FNTB: variants seen among roughly 807,000 people sequenced by gnomAD.
FNTB encodes protein farnesyltransferase subunit beta.
A neutral mutation model predicts 59.4 loss-of-function variants in FNTB; 27 were observed. The observed-to-expected ratio is 0.45, with a 90% CI of 0.34 to 0.63. The LOEUF is 0.63. Among genes scored for constraint, FNTB ranks in the 20% least tolerant of loss-of-function variants. FNTB has a pLI of 0.02. For missense variants in FNTB, 449 were observed against 559.6 expected, an observed-to-expected ratio of 0.80 and a Z score of 1.99; for synonymous variants, 230 against 220.7, an observed-to-expected ratio of 1.04 and a Z score of -0.37.
intron 8 of FNTB, among the ~76,000 whole-genome samples, chr14:65,041,472 G>C (rs1183575363): frequency 6.6e-6 from 1 of 152,136 alleles, no homozygotes; most frequent in Non-Finnish European, 1.5e-5. Flanking sequence ...GTAGTTAAAT[G>C]ATCAGTGGGT....
At position 65,005,939 on chromosome 14, in the gene FNTB, C is replaced by T. The variant is rs75780123; in HGVS notation, c.209+1626C>T. On this transcript the variant is annotated intron_variant, in intron 2 of 11. Coordinates refer to ENST00000246166, the MANE Select transcript of FNTB (RefSeq NM_002028.4). ...GCCATGGCACCTGGCCGAGAGAACA[C>T]TTTTCCTTGACATCTCTGAACAAAG... Among the ~76,000 whole-genome samples, 1,209 of 152,254 alleles carry T rather than the reference C, an allele frequency of 7.9e-3. 18 individuals are homozygous for T. The highest frequency in any genetic ancestry group is 0.027 in the African/African-American group (1,119 of 41,542).
intron 7 of FNTB, among the ~76,000 whole-genome samples, chr14:65,034,821 C>T (rs1595064197): frequency 1.3e-5 from 2 of 152,310 alleles, no homozygotes; most frequent in Non-Finnish European, 2.9e-5. Flanking sequence ...CATGAGTCTT[C>T]CTGTGCTGAG....
Position 65,011,159 on chromosome 14 carries a change from T to C in FNTB, c.210-1158T>C, listed in dbSNP as rs904496270. Among the ~76,000 whole-genome samples the C allele has an allele frequency of 6.6e-6, 1 of 152,218 alleles. No individual in the cohort carries two copies. The highest frequency in any genetic ancestry group is 2.4e-5 in the African/African-American group (1 of 41,450). On this transcript the variant is annotated intron_variant, in intron 2 of 11. Coordinates refer to ENST00000246166, the MANE Select transcript of FNTB (RefSeq NM_002028.4). The surrounding 1 kb of genome is among the most constrained non-coding windows in gnomAD (Gnocchi z 4.0). ...AGACTACATGAAGGGCTGGGTGCGG[T>C]GGCTCACGCCTGTAATCCCAGCATT...
chr14:65,053,636 A>AAAAAAAAAAAAAAC (rs2062663949), intron 10 of FNTB, among the ~76,000 whole-genome samples: 2 of 148,704 alleles, frequency 1.3e-5, no homozygotes, highest in African/African-American at 4.9e-5. Context: ...TAAAAAAAAC[A>AAAAAAAAAAAAAAC]AAAAAAAACT....
At chr14:65,025,546 G>C (rs2061963441) in intron 4 of FNTB, among the ~76,000 whole-genome samples, 1 of 152,196 alleles carries the variant, frequency 6.6e-6, no homozygotes, top group African/African-American at 2.4e-5. Flanking sequence ...TGGGCATGAT[G>C]GCTCACACCT....
chr14:65,052,906 A>C (rs2062646532), intron 9 of FNTB, among the ~76,000 whole-genome samples: 1 of 152,158 alleles, frequency 6.6e-6, no homozygotes. Flanking sequence ...GGGAGCAGCT[A>C]CCGAGGTCAG....
intron 4 of FNTB, among the ~76,000 whole-genome samples, chr14:65,016,966 A>G (rs1393666231): frequency 1.6e-5 from 2 of 122,382 alleles, no homozygotes; most frequent in Non-Finnish European, 3.2e-5. Context: ...TCTGTCACCC[A>G]GGCTGGGGTG....
chr14:65,056,321 T>C (rs1489399026), intron 11 of FNTB, among the ~76,000 whole-genome samples: 5 of 152,232 alleles, frequency 3.3e-5, no homozygotes, highest in Admixed American at 1.3e-4. Flanking sequence ...CTGCTAGTTA[T>C]CAATTTTTTG....
chr14:64,989,718 C>T (rs780570577), intron 1 of FNTB, among the ~76,000 whole-genome samples: 10 of 152,170 alleles, frequency 6.6e-5, no homozygotes, highest in Admixed American at 3.9e-4. Context: ...AATACTTGAG[C>T]GCCTTCTACG....
chr14:65,018,302 C>T (rs1275612922), intron 4 of FNTB, among the ~76,000 whole-genome samples: 1 of 152,106 alleles, frequency 6.6e-6, no homozygotes, highest in Non-Finnish European at 1.5e-5. Flanking sequence ...TGCATTCCAG[C>T]CTGGGCAACA....
chr14:65,025,144 A>T (rs2061956684), intron 4 of FNTB, among the ~76,000 whole-genome samples: 1 of 152,200 alleles, frequency 6.6e-6, no homozygotes, highest in African/African-American at 2.4e-5. Context: ...AGCCCCAGAC[A>T]GTCAGATGCA....
intron 9 of FNTB, among the ~76,000 whole-genome samples, chr14:65,049,196 T>A (rs928125042): frequency 1.3e-5 from 2 of 152,130 alleles, no homozygotes; most frequent in Admixed American, 1.3e-4. Context: ...GTTTTTTTGT[T>A]TTGTGGAGCA....
At chr14:64,993,375 T>G (rs2140037639) in intron 1 of FNTB, among the ~76,000 whole-genome samples, 1 of 152,356 alleles carries the variant, frequency 6.6e-6, no homozygotes, top group African/African-American at 2.4e-5. Context: ...TGTGTTTAAT[T>G]TATCTTGTTT....
chr14:65,044,729 A>C lies in FNTB; in HGVS notation c.955+286A>C. ...AGGAAGTGGGCGCTGCTTCTGCGTT[A>C]TCTGGAAGGAGCAGCCCACTCCTGT... On this transcript the variant is annotated intron_variant, in intron 9 of 11. Coordinates refer to ENST00000246166, the MANE Select transcript of FNTB (RefSeq NM_002028.4). The surrounding 1 kb of genome is among the most constrained non-coding windows in gnomAD (Gnocchi z 5.5). 2.3e-6 allele frequency: 1 copy of C among 427,480 alleles called. No individual in the cohort carries two copies. The highest frequency in any genetic ancestry group is 4.1e-6 in the Non-Finnish European group (1 of 244,420). 26.5% of individuals were successfully genotyped at this position (427,480 alleles called of 1,614,324 possible).
intron 11 of FNTB, among the ~76,000 whole-genome samples, chr14:65,060,513 G>A: frequency 7.9e-6 from 1 of 127,374 alleles, no homozygotes; most frequent in Non-Finnish European, 1.5e-5. Flanking sequence ...CGGCTAAAAC[G>A]GTGAAACCCC....
At chr14:65,043,322 G>A (rs1020750182) in intron 8 of FNTB, among the ~76,000 whole-genome samples, 15 of 152,172 alleles carry the variant, frequency 9.9e-5, no homozygotes, top group Non-Finnish European at 8.8e-5. Context: ...GTGTGTGACC[G>A]CTGAGTGACA....
At position 65,028,337 on chromosome 14, in the gene FNTB, A is replaced by C. The variant is rs543866285; in HGVS notation, c.605+556A>C. Among the ~76,000 whole-genome samples the C allele has an allele frequency of 1.3e-5, 2 of 152,324 alleles. No homozygotes were observed. The highest frequency in any genetic ancestry group is 2.9e-5 in the Non-Finnish European group (2 of 68,024). On this transcript the variant is annotated intron_variant, in intron 6 of 11. Coordinates refer to ENST00000246166, the MANE Select transcript of FNTB (RefSeq NM_002028.4). This position sits in a 1 kb window ranked among gnomAD's most constrained non-coding sequence, Gnocchi z 4.4. ...TATTATTTTCTTCCATAAGTGTCTGATGTACCAAGCAAGTTGCTTCCTCAC... is the reference window on the plus strand; with the variant it reads ...TATTATTTTCTTCCATAAGTGTCTGCTGTACCAAGCAAGTTGCTTCCTCAC...
rs76396089 is a variant in FNTB at position 65,053,369 on chromosome 14, G to A, written c.1067+20G>A. ...TGGCAAGTGAGTGTTTTCTCTCTGG[G>A]GAGGGAAGGGAGAGGGGAGGAGAGA... On this transcript the variant is annotated intron_variant, in intron 10 of 11. Coordinates refer to ENST00000246166, the MANE Select transcript of FNTB (RefSeq NM_002028.4). The A allele has an allele frequency of 0.018, 25,222 of 1,403,284 alleles. 266 individuals carry two copies. The highest frequency in any genetic ancestry group is 0.022 in the Admixed American group (781 of 36,198). 86.9% of individuals were successfully genotyped at this position (1,403,284 alleles called of 1,614,324 possible). A position where few individuals can be genotyped will look rare whatever the true frequency, so the allele number is the denominator to read the frequency against.
intron 7 of FNTB, among the ~76,000 whole-genome samples, chr14:65,037,422 T>TTTG (rs2062224079): frequency 9.1e-6 from 1 of 109,588 alleles, no homozygotes; most frequent in African/African-American, 3.9e-5. Flanking sequence ...TTTTTTTTTT[T>TTTG]TTTTTTTTTT....
Sources: allele counts gnomAD v4.1 joint callset (sites outside exome capture counted in the v4.1 genomes callset), GRCh38; gene constraint gnomAD v4.1.1; non-coding constraint Gnocchi (gnomAD v3.1); transcripts MANE v1.5; gene names NCBI Gene and HGNC (gene_info 2026-07-23, HGNC 2026-07-21).